The following DHRSX variants were observed in gnomAD, a reference collection of about 807,000 sequenced individuals.
DHRSX encodes polyprenol dehydrogenase.
Under a neutral mutation model 34.0 loss-of-function variants are expected in DHRSX, and 31 were observed. That is an observed-to-expected ratio of 0.91 (90% CI 0.69 to 1.23). The LOEUF (loss-of-function observed/expected upper bound fraction) is 1.23, where lower values mean the gene tolerates loss of function less well. Ranked by LOEUF, DHRSX falls within the 50% of genes most tolerant of loss-of-function variation. DHRSX has a pLI of 0.00. For missense variants in DHRSX, 414 were observed against 428.1 expected, an observed-to-expected ratio of 0.97 and a Z score of 0.29; for synonymous variants, 201 against 183.8, an observed-to-expected ratio of 1.09 and a Z score of -0.76.
chrX:2,499,307 T>A (rs1212432456), intron 1 of DHRSX, among the ~76,000 whole-genome samples: 1 of 152,186 alleles, frequency 6.6e-6, no homozygotes, highest in Non-Finnish European at 1.5e-5. Flanking sequence ...GGCTGGACAT[T>A]TAAGACATTC....
At chrX:2,471,369 G>A (rs954728338) in intron 1 of DHRSX, among the ~76,000 whole-genome samples, 1 of 152,072 alleles carries the variant, frequency 6.6e-6, no homozygotes, top group African/African-American at 2.4e-5. Flanking sequence ...GAGTTCGAGA[G>A]CAGCCTGAAC....
At chrX:2,385,409 C>T (rs745839869) in intron 3 of DHRSX, among the ~76,000 whole-genome samples, 3 of 151,894 alleles carry the variant, frequency 2.0e-5, no homozygotes, top group South Asian at 4.2e-4. Flanking sequence ...GCACACAGAC[C>T]GTAATTCTCA....
At chrX:2,351,670 G>A (rs1383466821) in intron 3 of DHRSX, among the ~76,000 whole-genome samples, 1 of 152,158 alleles carries the variant, frequency 6.6e-6, no homozygotes, top group Non-Finnish European at 1.5e-5. Context: ...TGATGCATTG[G>A]GAGTTGGCAT....
chrX:2,490,937 G>A (rs1256215517), intron 1 of DHRSX, among the ~76,000 whole-genome samples: 3 of 152,320 alleles, frequency 2.0e-5, no homozygotes, highest in East Asian at 3.9e-4. Flanking sequence ...GAGTGGAGGA[G>A]GGAACCTAGC....
chrX:2,388,418 T>A (rs1603037522), intron 3 of DHRSX, among the ~76,000 whole-genome samples: 1 of 152,168 alleles, frequency 6.6e-6, no homozygotes, highest in South Asian at 2.1e-4. Flanking sequence ...GACTGGCTCC[T>A]TATAAGAAGA....
At chrX:2,345,734 C>T (rs1432026467) in intron 3 of DHRSX, among the ~76,000 whole-genome samples, 6 of 151,836 alleles carry the variant, frequency 4.0e-5, no homozygotes, top group African/African-American at 9.7e-5. Context: ...TGGGCCTGGT[C>T]CAATCAGTTG....
At chrX:2,302,204 T>C (rs2042020482) in intron 3 of DHRSX, among the ~76,000 whole-genome samples, 1 of 152,204 alleles carries the variant, frequency 6.6e-6, no homozygotes, top group African/African-American at 2.4e-5. Flanking sequence ...TTGGAAGGCA[T>C]GTTTTAAGAT....
In DHRSX at chrX:2,489,781, C is replaced by T. The variant is rs367548592; in HGVS notation, c.109+11036G>A. On this transcript the variant is annotated intron_variant, in intron 1 of 6. Coordinates refer to ENST00000334651, the MANE Select transcript of DHRSX (RefSeq NM_145177.3). ...AGTACTCCACCAGTTTGCGGCAGCG[C>T]GACAGCAGCGCCCCCAGCTTCGGGA... 17 of 1,613,250 alleles carry T rather than the reference C, an allele frequency of 1.1e-5. No individual in the cohort carries two copies. The African/African-American group carries it at 1.5e-4, about 14-fold the overall frequency.
intron 1 of DHRSX, among the ~76,000 whole-genome samples, chrX:2,446,690 C>T (rs1214544776): frequency 2.0e-5 from 3 of 151,918 alleles, no homozygotes; most frequent in Non-Finnish European, 1.5e-5. Context: ...AAGGGACCAC[C>T]GCCATGTACT....
In DHRSX at chrX:2,257,998, T is replaced by G. The variant is rs374403989; in HGVS notation, c.596+8742A>C. 1.3e-3 allele frequency among the ~76,000 whole-genome samples: 200 copies of G among 152,222 alleles called. 1 individual carries two copies. Among genetic ancestry groups the G allele is most frequent in the African/African-American group, 4.5e-3 (188 of 41,552 alleles). On this transcript the variant is annotated intron_variant, in intron 5 of 6. Coordinates refer to ENST00000334651, the MANE Select transcript of DHRSX (RefSeq NM_145177.3). The stretch of plus-strand genomic sequence containing the variant: ...AGGGTAGGTACTGATCCAATAGGAC[T>G]GAGGTCCTTATAAGAAGAGGAGATG...
intron 1 of DHRSX, among the ~76,000 whole-genome samples, chrX:2,478,716 C>G (rs758380703): frequency 5.3e-5 from 8 of 151,926 alleles, no homozygotes; most frequent in African/African-American, 1.9e-4. Context: ...AAGGGACCAA[C>G]CAGGGCTGTG....
intron 2 of DHRSX, among the ~76,000 whole-genome samples, chrX:2,419,504 A>C (rs1194803443): frequency 6.6e-6 from 1 of 152,142 alleles, no homozygotes; most frequent in Non-Finnish European, 1.5e-5. Context: ...TGCTGCTATA[A>C]AGACACACGC....
chrX:2,404,390 C>A (rs1754826773), intron 3 of DHRSX, among the ~76,000 whole-genome samples: 1 of 152,104 alleles, frequency 6.6e-6, no homozygotes, highest in South Asian at 2.1e-4. Context: ...GGAATAGGAC[C>A]CCCTGTCACA....
chrX:2,452,232 T>A (rs7879749), intron 1 of DHRSX, among the ~76,000 whole-genome samples: 2 of 149,484 alleles, frequency 1.3e-5, no homozygotes, highest in South Asian at 4.3e-4. Flanking sequence ...GCCAAGGGAC[T>A]GCTGCCATGT....
At chrX:2,495,246 G>A (rs1239009695) in intron 1 of DHRSX, among the ~76,000 whole-genome samples, 2 of 151,162 alleles carry the variant, frequency 1.3e-5, no homozygotes, top group Non-Finnish European at 2.9e-5. Context: ...GACGTTCCAG[G>A]ACGTGAAGCA....
chrX:2,284,438 G>T (rs143878417), intron 4 of DHRSX, among the ~76,000 whole-genome samples: 1 of 151,032 alleles, frequency 6.6e-6, no homozygotes, highest in Non-Finnish European at 1.5e-5. Flanking sequence ...ATGAATGGGT[G>T]AATGAAGAAC....
chrX:2,224,023 A>G (rs1423643903), intron 6 of DHRSX, among the ~76,000 whole-genome samples: 1 of 152,196 alleles, frequency 6.6e-6, no homozygotes, highest in Non-Finnish European at 1.5e-5. Context: ...ATGAGCATTT[A>G]CACCTCACGC....
chrX:2,413,936 C>G lies in DHRSX; in HGVS notation c.218-5123G>C, dbSNP rs775108882. ...AAACCTCAACATGACCTAATACAAA[C>G]AGGTATCTTTATGACCAACCCAAAT... On this transcript the variant is annotated intron_variant, in intron 2 of 6. Coordinates refer to ENST00000334651, the MANE Select transcript of DHRSX (RefSeq NM_145177.3). 3.5e-4 allele frequency among the ~76,000 whole-genome samples: 53 copies of G among 151,684 alleles called. No individual in the cohort carries two copies. In the South Asian group the frequency reaches 9.8e-3, roughly 28 times the overall value.
chrX:2,227,108 C>T (rs1016117561), intron 6 of DHRSX, among the ~76,000 whole-genome samples: 3 of 152,194 alleles, frequency 2.0e-5, no homozygotes, highest in East Asian at 1.9e-4. Flanking sequence ...GCACCCCAGC[C>T]AGCCCTGCAC....
Sources: allele counts gnomAD v4.1 joint callset (sites outside exome capture counted in the v4.1 genomes callset), GRCh38; gene constraint gnomAD v4.1.1; transcripts MANE v1.5; gene names NCBI Gene and HGNC (gene_info 2026-07-23, HGNC 2026-07-21).